The following RASEF variants were observed in gnomAD, a reference collection of about 807,000 sequenced individuals.
The protein encoded by RASEF is RAS and EF-hand domain containing, also known as ras and EF-hand domain-containing protein.
A neutral mutation model predicts 90.1 loss-of-function variants in RASEF; 68 were observed. The observed-to-expected ratio is 0.75, with a 90% CI of 0.62 to 0.92. The LOEUF (loss-of-function observed/expected upper bound fraction) is 0.92. Ranked by LOEUF, RASEF falls within the 40% of genes least tolerant of loss-of-function variation. The pLI is 0.00. For synonymous variants in RASEF, 331 were observed against 345.2 expected, an observed-to-expected ratio of 0.96 and a Z score of 0.46; for missense variants, 949 against 937.2, an observed-to-expected ratio of 1.01 and a Z score of -0.16.
rs1338507498 is a variant in RASEF, at chr9:83,012,506, T to C, written c.771A>G (p.Glu257=). 2.5e-6 allele frequency: 4 copies of C among 1,582,538 alleles called. No individual in the cohort carries two copies. Among genetic ancestry groups the C allele is most frequent in the Non-Finnish European group, 3.4e-6 (4 of 1,163,814 alleles). The change falls in exon 5 of 17, where the codon GAA becomes GAG. Residue 257 remains glutamate (E), a synonymous_variant. Transcript: ENST00000376447. ...QVTIKKLRKL[E]EQSKRVSQKE... ...TTTGACTTACGCGTTTTGATTGTTC[T>C]TCGAGCTGAAAGACCAAATAAAAGT...
intron 14 of RASEF, 91 bp from the exon 15 acceptor site, chr9:82,993,116 C>T: frequency 7.4e-7 from 1 of 1,358,806 alleles, no homozygotes; most frequent in Non-Finnish European, 1.0e-6. Flanking sequence ...TTACCATTTT[C>T]CCTTTGCCTC....
In RASEF at chr9:83,048,957, G is replaced by T. The variant is rs140048760; in HGVS notation, c.431+13480C>A. On this transcript the variant is annotated intron_variant, in intron 1 of 16. Transcript: ENST00000376447. The stretch of plus-strand genomic sequence containing the variant: ...CAGCATGGCCAACACAGTACTATCT[G>T]TACTAAAAATACAAAAATTAGCCGG... The T allele has an allele frequency of 1.8e-3, 317 of 172,580 alleles. 3 individuals are homozygous for T. The highest frequency in any genetic ancestry group is 7.1e-3 in the African/African-American group (296 of 41,890). 10.7% of individuals were successfully genotyped at this position (172,580 alleles called of 1,614,324 possible). A position where few individuals can be genotyped will look rare whatever the true frequency, so the allele number is the denominator to read the frequency against.
In RASEF at chr9:83,062,845, T is replaced by C; in HGVS notation, c.23A>G (p.Glu8Gly). Reference protein sequence around the residue: MEADGDGEELARLRSVFA... With the variant: MEADGDGGELARLRSVFA... ...GACTGAGCGCAGCCGGGCCAGCTCC[T>C]CTCCGTCCCCATCCGCCTCCATCCC... Residue 8 changes from glutamate to glycine, a missense_variant, in exon 1 of 17, where the codon GAG becomes GGG. By Grantham distance (98) the Glu-to-Gly change is moderately conservative. Around this residue, in one of 3 missense-constraint regions of RASEF, gnomAD observed 656 missense variants for 592.2 expected, o/e 1.11. Transcript: ENST00000376447. The C allele has an allele frequency of 6.5e-7, 1 of 1,536,616 alleles. No homozygotes were observed. Among genetic ancestry groups the C allele is most frequent in the Non-Finnish European group, 8.7e-7 (1 of 1,152,514 alleles).
chr9:83,215,285 G>A, the RASEF span, among the ~76,000 whole-genome samples: 1 of 152,100 alleles, frequency 6.6e-6, no homozygotes, highest in African/African-American at 2.4e-5. Context: ...GGGATGCTGG[G>A]CAAGAGCTCA....
In RASEF at chr9:82,993,038, A is replaced by G; in HGVS notation, c.1921-13T>C. ...CATGGGCTGCATCCTACCAGGAAGAAAAAAAAAATGGGGCACACATCAAAC... is the reference window on the plus strand; with the variant it reads ...CATGGGCTGCATCCTACCAGGAAGAGAAAAAAAATGGGGCACACATCAAAC... On this transcript the variant is annotated splice_polypyrimidine_tract_variant and intron_variant, in intron 14 of 16. Transcript: ENST00000376447. 1.3e-6 allele frequency: 2 copies of G among 1,597,400 alleles called. No individual in the cohort carries two copies. Among genetic ancestry groups the G allele is most frequent in the South Asian group, 2.2e-5 (2 of 89,186 alleles).
At chr9:83,058,372 C>T (rs1375127473) in intron 1 of RASEF, among the ~76,000 whole-genome samples, 1 of 150,436 alleles carries the variant, frequency 6.6e-6, no homozygotes, top group Non-Finnish European at 1.5e-5. Context: ...TTAGTAGAGA[C>T]GGGGTTTCAC....
intron 3 of RASEF, 76 bp downstream of exon 3, chr9:83,022,260 G>A: frequency 1.8e-6 from 2 of 1,086,746 alleles, no homozygotes; most frequent in Non-Finnish European, 2.8e-6. Context: ...ATGACACCCA[G>A]AAGAGTGCCT....
intron 16 of RASEF, among the ~76,000 whole-genome samples, chr9:82,989,229 C>CGTGT (rs56871037): frequency 6.6e-6 from 1 of 151,286 alleles, no homozygotes; most frequent in Non-Finnish European, 1.5e-5. Context: ...TGCATGTGTG[C>CGTGT]GTGTGTGTGT....
At chr9:83,174,416 TCATTGAATTAATACTCTTGTAAAG>T in the RASEF span, among the ~76,000 whole-genome samples, 1 of 152,140 alleles carries the variant, frequency 6.6e-6, no homozygotes, top group Non-Finnish European at 1.5e-5. Context: ...TATTCTTTCT[TCATTGAATTAATACTCTTGTAAAG>T]CATCAACTAA....
At chr9:83,214,142 C>A in the RASEF span, among the ~76,000 whole-genome samples, 1 of 152,160 alleles carries the variant, frequency 6.6e-6, no homozygotes, top group Non-Finnish European at 1.5e-5. Flanking sequence ...CACCTGTAAC[C>A]CAGCACTCTG....
rs530834635 is a variant in RASEF at position 83,042,115 on chromosome 9, G to A, written c.432-16194C>T. Among the ~76,000 whole-genome samples, 95 of 152,036 alleles carry A rather than the reference G, an allele frequency of 6.2e-4. 1 individual carries two copies. Among genetic ancestry groups the A allele is most frequent in the Non-Finnish European group, 1.3e-3 (86 of 68,030 alleles). On this transcript the variant is annotated intron_variant, in intron 1 of 16. Coordinates refer to ENST00000376447, the MANE Select transcript of RASEF (RefSeq NM_152573.4). ...CATTCCCTTGGTTTCCAGTTCTGTG[G>A]TCTGAGCTGCACTCCTCTCTCACCT...
chr9:83,035,903 CCCTTT>C (rs989415938), intron 1 of RASEF, among the ~76,000 whole-genome samples: 1 of 152,162 alleles, frequency 6.6e-6, no homozygotes, highest in Non-Finnish European at 1.5e-5. Flanking sequence ...ACTAGAATTT[CCCTTT>C]CATTTTAATC....
chr9:83,176,071 C>A, the RASEF span, among the ~76,000 whole-genome samples: 1 of 152,092 alleles, frequency 6.6e-6, no homozygotes, highest in Non-Finnish European at 1.5e-5. Flanking sequence ...TGATATTCTG[C>A]CTAGTCATTC....
At chr9:83,216,068 T>A in the RASEF span, among the ~76,000 whole-genome samples, 2 of 152,148 alleles carry the variant, frequency 1.3e-5, no homozygotes, top group African/African-American at 4.8e-5. Flanking sequence ...ATTTGGGGTA[T>A]CTGGTGGAAG....
the RASEF span, among the ~76,000 whole-genome samples, chr9:83,165,170 G>A: frequency 4.6e-5 from 7 of 152,194 alleles, no homozygotes; most frequent in African/African-American, 9.6e-5. Context: ...ATGGACATTT[G>A]TTAACTACTT....
At chr9:83,129,468 T>C in the RASEF span, among the ~76,000 whole-genome samples, 1 of 152,220 alleles carries the variant, frequency 6.6e-6, no homozygotes, top group South Asian at 2.1e-4. Flanking sequence ...TTATTTAAAG[T>C]CAATTAAAAT....
chr9:83,134,860 A>G, the RASEF span, among the ~76,000 whole-genome samples: 1 of 152,180 alleles, frequency 6.6e-6, no homozygotes, highest in Non-Finnish European at 1.5e-5. Flanking sequence ...AAACACCCAA[A>G]TGTCCATCCA....
At chr9:83,148,703 T>C in the RASEF span, among the ~76,000 whole-genome samples, 1 of 152,224 alleles carries the variant, frequency 6.6e-6, no homozygotes, top group Admixed American at 6.5e-5. Flanking sequence ...GTGAGACTTC[T>C]CAAAGGATAT....
the RASEF span, among the ~76,000 whole-genome samples, chr9:83,151,110 T>A: frequency 1.3e-4 from 20 of 152,204 alleles, no homozygotes; most frequent in African/African-American, 4.8e-4. Flanking sequence ...GTTGTTTTTT[T>A]TTTTCAGGGA....
Sources: allele counts gnomAD v4.1 joint callset (sites outside exome capture counted in the v4.1 genomes callset), GRCh38; gene constraint gnomAD v4.1.1; regional missense constraint gnomAD v4.1.1; transcripts MANE v1.5; gene names NCBI Gene and HGNC (gene_info 2026-07-23, HGNC 2026-07-21).